The following ST18 variants were observed in gnomAD, a reference collection of about 807,000 sequenced individuals.
The protein encoded by ST18 is ST18 C2H2C-type zinc finger transcription factor, also known as suppression of tumorigenicity 18 protein.
Under a neutral mutation model 110.0 loss-of-function variants are expected in ST18, and 50 were observed. The ratio of observed to expected loss-of-function variants is 0.45; its 90% CI spans 0.36 to 0.58. The LOEUF is 0.58. ST18 is among the 20% of genes least tolerant of loss of function. ST18 has a pLI of 0.00. For missense variants in ST18, 1,306 were observed against 1,280.1 expected (o/e 1.02, Z -0.31); for synonymous variants, 461 against 452.4 (o/e 1.02, Z -0.24).
At chr8:52,382,889 T>C (rs1835094942) in intron 2 of ST18, among the ~76,000 whole-genome samples, 1 of 151,440 alleles carries the variant, frequency 6.6e-6, no homozygotes, top group Non-Finnish European at 1.5e-5. Flanking sequence ...CCTAGGGAAG[T>C]GGACATTCTG....
At chr8:52,307,837 T>C (rs2095839785) in intron 2 of ST18, among the ~76,000 whole-genome samples, 1 of 152,230 alleles carries the variant, frequency 6.6e-6, no homozygotes, top group South Asian at 2.1e-4. Context: ...ATAATATATC[T>C]TGCACGTATA....
At chr8:52,365,854 A>G (rs1827700872) in intron 2 of ST18, among the ~76,000 whole-genome samples, 1 of 150,084 alleles carries the variant, frequency 6.7e-6, no homozygotes, top group African/African-American at 2.4e-5. Context: ...GCATGCTACC[A>G]TGCCTAGCTA....
chr8:52,288,411 T>A (rs758874017), intron 2 of ST18, among the ~76,000 whole-genome samples: 3 of 151,732 alleles, frequency 2.0e-5, no homozygotes, highest in Non-Finnish European at 4.4e-5. Flanking sequence ...CTATTAAGAG[T>A]ATTAATAGGC....
intron 2 of ST18, among the ~76,000 whole-genome samples, chr8:52,391,751 C>T (rs1480975149): frequency 6.6e-6 from 1 of 152,160 alleles, no homozygotes; most frequent in Non-Finnish European, 1.5e-5. Context: ...CCTAAGGATG[C>T]ATCTCTCAGA....
intron 23 of ST18, among the ~76,000 whole-genome samples, chr8:52,124,585 A>T (rs372187724): frequency 8.8e-4 from 134 of 152,308 alleles, no homozygotes; most frequent in African/African-American, 3.1e-3. Flanking sequence ...AAATTGTCCC[A>T]ATTTCACTGC....
At chr8:52,381,934 TACTA>T (rs1455360119) in intron 2 of ST18, among the ~76,000 whole-genome samples, 1 of 148,594 alleles carries the variant, frequency 6.7e-6, no homozygotes, top group Admixed American at 6.7e-5. Context: ...AATAATAACT[TACTA>T]AGTAAGCTTC....
chr8:52,112,956 A>T lies in ST18; in HGVS notation c.*242T>A, dbSNP rs1434645674. On this transcript the variant is annotated 3_prime_UTR_variant, in exon 26 of 26. Transcript: ENST00000689386. ...AAAAAAAAGAGTACAATGAAGAAAT[A>T]AAAGAAAAACATATGAAAATAAATA... is the stretch of plus-strand genomic sequence containing the variant. The T allele has an allele frequency of 2.9e-6, 1 of 341,378 alleles. No individual in the cohort carries two copies. The highest frequency in any genetic ancestry group is 5.2e-6 in the Non-Finnish European group (1 of 193,420). 21.1% of individuals were successfully genotyped at this position (341,378 alleles called of 1,614,324 possible).
At chr8:52,326,141 C>G (rs1272504320) in intron 2 of ST18, among the ~76,000 whole-genome samples, 4 of 152,154 alleles carry the variant, frequency 2.6e-5, no homozygotes, top group Admixed American at 2.6e-4. Context: ...ACATTCTCAG[C>G]TGCTTATATT....
chr8:52,388,609 C>T (rs1213051171), intron 2 of ST18, among the ~76,000 whole-genome samples: 3 of 151,900 alleles, frequency 2.0e-5, no homozygotes, highest in Admixed American at 1.3e-4. Flanking sequence ...TTTCGCACGG[C>T]GCACGATGGC....
chr8:52,256,843 C>T (rs1035780023), intron 2 of ST18, among the ~76,000 whole-genome samples: 1 of 152,088 alleles, frequency 6.6e-6, no homozygotes, highest in Non-Finnish European at 1.5e-5. Context: ...AATTAAATAA[C>T]TTCTAATATA....
intron 3 of ST18, 80 bp from the exon 4 acceptor site, chr8:52,221,873 G>A (rs138413333): frequency 6.6e-6 from 1 of 151,740 alleles, no homozygotes; most frequent in South Asian, 2.1e-4. Flanking sequence ...AGTAGCACAG[G>A]AGCTTGGGAA....
At chr8:52,233,033 G>T (rs1311828769) in intron 2 of ST18, among the ~76,000 whole-genome samples, 1 of 152,074 alleles carries the variant, frequency 6.6e-6, no homozygotes, top group African/African-American at 2.4e-5. Flanking sequence ...CTGTTCCACA[G>T]ATATTTATTT....
chr8:52,206,704 T>A (rs1288301459), intron 8 of ST18: 1 of 152,164 alleles, frequency 6.6e-6, no homozygotes, highest in African/African-American at 2.4e-5. Context: ...GTAAAAAGGG[T>A]TTTCTTGAAG....
chr8:52,136,811 CG>C (rs1563616314), intron 18 of ST18, among the ~76,000 whole-genome samples, 153 bp from the exon 19 acceptor site: 1 of 152,174 alleles, frequency 6.6e-6, no homozygotes, highest in East Asian at 1.9e-4. Context: ...TTGCTCTTCT[CG>C]CCAGTCTGGG....
At chr8:52,129,280 A>G (rs2048272021) in intron 22 of ST18, among the ~76,000 whole-genome samples, 1 of 151,892 alleles carries the variant, frequency 6.6e-6, no homozygotes, top group Non-Finnish European at 1.5e-5. Context: ...AGCCTGACCA[A>G]CATGGTGAAA....
rs1207048601 is a variant in ST18 at position 52,161,541 on chromosome 8, G to A, written c.1428C>T (p.Phe476=). ...AGGTGATGGCTTGTGACGGGAAATT[G>A]AATTCAATTTGCTTCACCAAACTTG... The part of the protein sequence containing the change: ...HRTSLVKQIE[F]NFPSQAITSP... The change falls in exon 14 of 26, where the codon TTC becomes TTT. Residue 476 remains phenylalanine (F), a synonymous_variant. Transcript: ENST00000689386. The A allele has an allele frequency of 6.2e-7, 1 of 1,614,146 alleles. No individual in the cohort carries two copies. Among genetic ancestry groups the A allele is most frequent in the Non-Finnish European group, 8.5e-7 (1 of 1,180,008 alleles).
At chr8:52,306,433 G>A (rs1181038437) in intron 2 of ST18, among the ~76,000 whole-genome samples, 1 of 152,060 alleles carries the variant, frequency 6.6e-6, no homozygotes, top group African/African-American at 2.4e-5. Context: ...TAGAGAAGAC[G>A]TGCGGTGAGT....
chr8:52,381,577 G>T (rs540257139), intron 2 of ST18, among the ~76,000 whole-genome samples: 2 of 152,114 alleles, frequency 1.3e-5, no homozygotes, highest in Non-Finnish European at 2.9e-5. Flanking sequence ...TTCTAAACTG[G>T]CCACAATATA....
chr8:52,376,188 CCACA>C lies in ST18; in HGVS notation c.-465+33136_-465+33139del, dbSNP rs1251007722. On this transcript the variant is annotated intron_variant, in intron 2 of 25. Transcript: ENST00000689386. ...TCTGCTCAAAACCTGCAGTGTTTCC[CCACA>C]CTACTCAGAGTACAAGCCAACACTC... 2.6e-5 allele frequency among the ~76,000 whole-genome samples: 4 copies of C among 152,298 alleles called. No homozygotes were observed. In the South Asian group the frequency reaches 8.3e-4, roughly 32 times the overall value.
Sources: gnomAD v4.1 joint callset for allele counts (sites outside exome capture counted in the v4.1 genomes callset) on GRCh38, gnomAD v4.1.1 for gene constraint, MANE v1.5 for transcripts, NCBI Gene and HGNC (gene_info 2026-07-23, HGNC 2026-07-21) for gene names.